TNFRSF1B: variants seen among roughly 807,000 people sequenced by gnomAD.
The protein encoded by TNFRSF1B is TNF receptor superfamily member 1B, also known as tumor necrosis factor receptor superfamily member 1B.
A neutral mutation model predicts 44.6 loss-of-function variants in TNFRSF1B; 19 were observed. The observed-to-expected ratio is 0.43, with a 90% CI of 0.30 to 0.62. The LOEUF (loss-of-function observed/expected upper bound fraction) is 0.62. TNFRSF1B is among the 20% of genes least tolerant of loss of function. The pLI is 0.16. For synonymous variants in TNFRSF1B, 252 were observed against 261.1 expected (o/e 0.97, Z 0.34); for missense variants, 541 against 619.9 (o/e 0.87, Z 1.35).
At position 12,207,216 on chromosome 1, in the gene TNFRSF1B, A is replaced by G; in HGVS notation, c.*196A>G. On this transcript the variant is annotated 3_prime_UTR_variant, in exon 10 of 10. Transcript: ENST00000376259. ...CAAGAGCAGAGGCAGCGAGTTGTGG[A>G]AAGCCTCTGCTGCCATGGCGTGTCC... 2 of 512,790 alleles carry G rather than the reference A, an allele frequency of 3.9e-6. No individual in the cohort carries two copies. The highest frequency in any genetic ancestry group is 3.3e-6 in the Non-Finnish European group (1 of 305,830). The allele number at this position is 512,790 out of a possible 1,614,324, so 31.8% of individuals were successfully genotyped here.
chr1:12,171,957 TG>T lies in TNFRSF1B; in HGVS notation c.78+4792del, dbSNP rs1253111325. On this transcript the variant is annotated intron_variant, in intron 1 of 9. Coordinates refer to ENST00000376259, the MANE Select transcript of TNFRSF1B (RefSeq NM_001066.3). The surrounding 1 kb of genome is among the most constrained non-coding windows in gnomAD (Gnocchi z 4.5). ...GTTTGAAAAGTCAGTGGTGGCAGGG[TG>T]GGGTTCTGTTTGCCTCCATCTCTTG... is the stretch of plus-strand genomic sequence containing the variant. Among the ~76,000 whole-genome samples the T allele has an allele frequency of 1.3e-5, 2 of 151,928 alleles. No homozygotes were observed. The highest frequency in any genetic ancestry group is 2.9e-5 in the Non-Finnish European group (2 of 67,974).
chr1:12,197,555 C>CCCATTTTACAGAGGAGGAAA (rs1639293059), intron 8 of TNFRSF1B, among the ~76,000 whole-genome samples: 1 of 145,412 alleles, frequency 6.9e-6, no homozygotes, highest in African/African-American at 2.4e-5. Context: ...CATCATCACC[C>CCCATTTTACAGAGGAGGAAA]CCATTTTACA....
In TNFRSF1B at chr1:12,199,963, A is replaced by C. The variant is rs769062466; in HGVS notation, c.901-2004A>C. On this transcript the variant is annotated intron_variant, in intron 8 of 9. Transcript: ENST00000376259. This position sits in a 1 kb window ranked among gnomAD's most constrained non-coding sequence, Gnocchi z 4.0. Reference sequence around the variant, plus strand: ...TGTGAGCGCCTGGCCAGCCAGTGGGAACAGACAACAGCCTGGGAGAGGAAT... The same window carrying C: ...TGTGAGCGCCTGGCCAGCCAGTGGGCACAGACAACAGCCTGGGAGAGGAAT... Among the ~76,000 whole-genome samples, 275 of 152,278 alleles carry C rather than the reference A, an allele frequency of 1.8e-3. No individual in the cohort carries two copies. The highest frequency in any genetic ancestry group is 2.9e-3 in the Non-Finnish European group (196 of 68,038).
intron 8 of TNFRSF1B, among the ~76,000 whole-genome samples, chr1:12,195,818 T>G (rs1639253721): frequency 6.6e-6 from 1 of 151,378 alleles, no homozygotes; most frequent in African/African-American, 2.4e-5. Context: ...GAAAACAGAG[T>G]CTGATGAGTT....
chr1:12,194,331 G>A (rs1639218085), intron 7 of TNFRSF1B, among the ~76,000 whole-genome samples: 1 of 152,108 alleles, frequency 6.6e-6, no homozygotes, highest in Admixed American at 6.6e-5. Context: ...GATCTTGATG[G>A]GTGGAGTCTG....
At chr1:12,189,752 G>A (rs900716979) in intron 2 of TNFRSF1B, among the ~76,000 whole-genome samples, 2 of 152,370 alleles carry the variant, frequency 1.3e-5, no homozygotes, top group South Asian at 4.1e-4. Flanking sequence ...GACAAGGTCA[G>A]GTAAGGCGGG....
intron 8 of TNFRSF1B, among the ~76,000 whole-genome samples, chr1:12,196,355 G>T (rs1218501295): frequency 2.0e-5 from 3 of 152,098 alleles, no homozygotes; most frequent in Admixed American, 2.0e-4. Flanking sequence ...AGTTGTGGGG[G>T]CTGTCCCGTG....
chr1:12,195,274 C>T (rs992657885), intron 8 of TNFRSF1B, among the ~76,000 whole-genome samples: 15 of 152,322 alleles, frequency 9.8e-5, no homozygotes, highest in Middle Eastern at 3.4e-3. Flanking sequence ...ATCAGGAAGG[C>T]ATTTGGCTGC....
rs1161537815 is a variant in TNFRSF1B at position 12,192,202 on chromosome 1, C to T, written c.458-229C>T. 5.7e-6 allele frequency: 4 copies of T among 705,822 alleles called. No individual in the cohort carries two copies. The East Asian group carries it at 8.1e-5, about 14-fold the overall frequency. 43.7% of individuals were successfully genotyped at this position (705,822 alleles called of 1,614,324 possible). The stretch of plus-strand genomic sequence containing the variant: ...AAGTTATGTGATGCTGCAAGATGAA[C>T]TCACATAACTCTACAGCCCAATCCC... On this transcript the variant is annotated intron_variant, in intron 4 of 9. Coordinates refer to ENST00000376259, the MANE Select transcript of TNFRSF1B (RefSeq NM_001066.3).
At chr1:12,191,994 C>A in intron 4 of TNFRSF1B, 71 bp downstream of exon 4, 2 of 1,543,558 alleles carry the variant, frequency 1.3e-6, no homozygotes, top group South Asian at 2.5e-5. Flanking sequence ...TGCAGTGTCA[C>A]GGGCATCAAC....
chr1:12,179,509 C>G (rs1347892301), intron 1 of TNFRSF1B, among the ~76,000 whole-genome samples: 2 of 152,190 alleles, frequency 1.3e-5, no homozygotes, highest in Non-Finnish European at 2.9e-5. Context: ...TGTGGGGGTC[C>G]CTGGGTCCTT....
rs1183371070 is a variant in TNFRSF1B at position 12,184,191 on chromosome 1, G to A, written c.79-4605G>A. On this transcript the variant is annotated intron_variant, in intron 1 of 9. Transcript: ENST00000376259. ...TGCCATGTTTTGGGGACCTCCTGGG[G>A]GGCCCCTGTACTGACCAGAGGCCGG... Among the ~76,000 whole-genome samples the A allele has an allele frequency of 3.3e-5, 5 of 152,308 alleles. No homozygotes were observed. In the South Asian group the frequency reaches 6.2e-4, roughly 19 times the overall value.
At position 12,186,097 on chromosome 1, in the gene TNFRSF1B, G is replaced by A. The variant is rs1328157693; in HGVS notation, c.79-2699G>A. Among the ~76,000 whole-genome samples, 3 of 152,236 alleles carry A rather than the reference G, an allele frequency of 2.0e-5. No individual in the cohort carries two copies. Among genetic ancestry groups the A allele is most frequent in the Non-Finnish European group, 2.9e-5 (2 of 68,034 alleles). On this transcript the variant is annotated intron_variant, in intron 1 of 9. Coordinates refer to ENST00000376259, the MANE Select transcript of TNFRSF1B (RefSeq NM_001066.3). The surrounding 1 kb of genome is among the most constrained non-coding windows in gnomAD (Gnocchi z 4.8). ...GGGTGCAAAGGCCTGGGGGTCAGAA[G>A]AGTGGCAGATTGCTCCATGGCAGGA...
chr1:12,188,724 G>A (rs933240444), intron 1 of TNFRSF1B, 72 bp from the exon 2 acceptor site: 1 of 1,406,694 alleles, frequency 7.1e-7, no homozygotes, highest in African/African-American at 1.4e-5. Context: ...TGCAGGGCGG[G>A]GACCTGGGCA....
rs1638993480 is a variant in TNFRSF1B at position 12,186,655 on chromosome 1, A to G, written c.79-2141A>G. On this transcript the variant is annotated intron_variant, in intron 1 of 9. Transcript: ENST00000376259. This position sits in a 1 kb window ranked among gnomAD's most constrained non-coding sequence, Gnocchi z 4.8. The stretch of plus-strand genomic sequence containing the variant: ...GTATCCTTATCTATGGAGAGGCCCC[A>G]TGACTCGTTCACTAAAGGTTATGGA... 6.6e-6 allele frequency among the ~76,000 whole-genome samples: 1 copy of G among 152,188 alleles called. No homozygotes were observed. The highest frequency in any genetic ancestry group is 1.5e-5 in the Non-Finnish European group (1 of 68,022).
In TNFRSF1B at chr1:12,202,067, C is replaced by A. The variant is rs575084050; in HGVS notation, c.1001C>A (p.Ser334Ter). The A allele has an allele frequency of 1.2e-6, 2 of 1,601,194 alleles. No individual in the cohort carries two copies. The highest frequency in any genetic ancestry group is 1.7e-6 in the Non-Finnish European group (2 of 1,174,592). The change falls in exon 9 of 10, where the codon TCG (serine) becomes TAG (stop). Residue 334 changes from serine to a stop codon, truncating the protein, a stop_gained. Coordinates refer to ENST00000376259, the MANE Select transcript of TNFRSF1B (RefSeq NM_001066.3). LOFTEE classifies it high-confidence loss of function. ...PSSSSSSLES[S>*]ASALDRRAPT... is the part of the protein sequence containing the mutation. The stretch of plus-strand genomic sequence containing the variant: ...TCCAGCAGCAGCTCCCTGGAGAGCT[C>A]GGCCAGTGCGTTGGACAGAAGGGCG...
intron 1 of TNFRSF1B, among the ~76,000 whole-genome samples, chr1:12,170,948 T>A (rs780117787): frequency 1.7e-4 from 26 of 152,006 alleles, no homozygotes; most frequent in Non-Finnish European, 2.6e-4. Flanking sequence ...AGTGCTGGGA[T>A]TACAAGCATG....
In TNFRSF1B at chr1:12,192,992, G is replaced by A. The variant is rs771900114; in HGVS notation, c.681G>A (p.Thr227=). 8 of 1,614,042 alleles carry A rather than the reference G, an allele frequency of 5.0e-6. No homozygotes were observed. Among genetic ancestry groups the A allele is most frequent in the South Asian group, 4.4e-5 (4 of 91,088 alleles). ...PQPVSTRSQH[T]QPTPEPSTAP... Reference sequence around the variant, plus strand: ...CAGTGTCCACACGATCCCAACACACGCAGCCAACTCCAGAACCCAGCACTG... The same window carrying A: ...CAGTGTCCACACGATCCCAACACACACAGCCAACTCCAGAACCCAGCACTG... The change falls in exon 6 of 10, where the codon ACG becomes ACA. Residue 227 remains threonine, a synonymous_variant. Transcript: ENST00000376259.
At position 12,208,185 on chromosome 1, in the gene TNFRSF1B, C is replaced by G. The variant is rs1049922625; in HGVS notation, c.*1165C>G. The G allele has an allele frequency of 2.6e-5, 4 of 153,010 alleles. No individual in the cohort carries two copies. Among genetic ancestry groups the G allele is most frequent in the Admixed American group, 1.3e-4 (2 of 15,284 alleles). 9.5% of individuals were successfully genotyped at this position (153,010 alleles called of 1,614,324 possible). Reference sequence around the variant, plus strand: ...CTTCACTCCGGTGTGCCTGCAGCCCCGCGCCTCCTTCCTTGCTGTCCTAGG... The same window carrying G: ...CTTCACTCCGGTGTGCCTGCAGCCCGGCGCCTCCTTCCTTGCTGTCCTAGG... On this transcript the variant is annotated 3_prime_UTR_variant, in exon 10 of 10. Coordinates refer to ENST00000376259, the MANE Select transcript of TNFRSF1B (RefSeq NM_001066.3).
Sources: gnomAD v4.1 joint callset for allele counts (sites outside exome capture counted in the v4.1 genomes callset) on GRCh38, gnomAD v4.1.1 for gene constraint, Gnocchi (gnomAD v3.1) non-coding constraint, MANE v1.5 for transcripts, NCBI Gene and HGNC (gene_info 2026-07-23, HGNC 2026-07-21) for gene names.